Variants in ETV7 observed in about 807,000 individuals in gnomAD.
ETV7 encodes the protein ETS variant transcription factor 7, also known as transcription factor ETV7.
In ETV7, 43 loss-of-function variants were observed where a neutral mutation model predicts 39.1. The ratio of observed to expected loss-of-function variants is 1.10; its 90% confidence interval spans 0.86 to 1.42. The LOEUF is 1.42. Ranked by LOEUF, ETV7 falls within the 40% of genes most tolerant of loss-of-function variation. The pLI, the probability that ETV7 is intolerant of heterozygous loss-of-function variation, is 0.00. For missense variants in ETV7, 432 were observed against 442.3 expected (o/e 0.98, Z 0.21); for synonymous variants, 196 against 176.6 (o/e 1.11, Z -0.87).
rs148608442 is a variant in ETV7, at chr6:36,375,966, G to C, written c.212C>G (p.Ser71Cys). 3 of 1,613,128 alleles carry C rather than the reference G, an allele frequency of 1.9e-6. No individual in the cohort carries two copies. The highest frequency in any genetic ancestry group is 1.1e-5 in the South Asian group (1 of 91,084). The change falls in exon 3 of 8, where the codon TCT becomes TGT. Residue 71 changes from serine to cysteine, a missense_variant. Coordinates refer to ENST00000340181, the MANE Select transcript of ETV7 (RefSeq NM_016135.4). The stretch of plus-strand genomic sequence containing the variant: ...CCCGTGCTCCGCGGTGCATGGCAGA[G>C]AGTACTCCTGCTCTGCCCAGCGCAG... ...HWLRWAEQEY[S>C]LPCTAEHGFE...
At chr6:36,361,130 A>T (rs1561898159) in intron 7 of ETV7, among the ~76,000 whole-genome samples, 1 of 152,206 alleles carries the variant, frequency 6.6e-6, no homozygotes, top group South Asian at 2.1e-4. Context: ...CAAGATCACG[A>T]TTAAAATATT....
At chr6:36,372,606 G>A (rs1461432801) in intron 4 of ETV7, among the ~76,000 whole-genome samples, 5 of 148,988 alleles carry the variant, frequency 3.4e-5, no homozygotes, top group Non-Finnish European at 7.4e-5. Flanking sequence ...GGGCTGACAG[G>A]ATTTATGGAC....
At chr6:36,376,124 C>T (rs1773330484) in intron 2 of ETV7, 89 bp from the exon 3 acceptor site, 2 of 1,229,224 alleles carry the variant, frequency 1.6e-6, no homozygotes, top group Non-Finnish European at 2.2e-6. Flanking sequence ...CAGATGCTCC[C>T]CTGTCCTGGC....
chr6:36,385,741 A>T, intron 1 of ETV7, 72 bp from the exon 2 acceptor site: 1 of 1,518,804 alleles, frequency 6.6e-7, no homozygotes, highest in South Asian at 1.3e-5. Context: ...TAAATGTCTT[A>T]AGAATTTTTT....
downstream of ETV7, among the ~76,000 whole-genome samples, chr6:36,362,783 C>G (rs569588114): frequency 6.2e-4 from 94 of 152,322 alleles, 1 homozygote; most frequent in Non-Finnish European, 1.8e-4. Context: ...TAGCCCAACC[C>G]GGCCATGATG....
chr6:36,361,785 T>C (rs1772496289), downstream of ETV7, among the ~76,000 whole-genome samples: 2 of 152,260 alleles, frequency 1.3e-5, no homozygotes, highest in South Asian at 2.1e-4. Flanking sequence ...TCATAAATTC[T>C]TTATCTATTG....
At chr6:36,362,579 C>A (rs1165496005), downstream of ETV7, among the ~76,000 whole-genome samples, 1 of 152,206 alleles carries the variant, frequency 6.6e-6, no homozygotes, top group Non-Finnish European at 1.5e-5. Context: ...GTGCCCGGTA[C>A]AGAGCAGGTA....
downstream of ETV7, among the ~76,000 whole-genome samples, chr6:36,361,947 G>A (rs371218627): frequency 3.9e-5 from 6 of 152,298 alleles, no homozygotes; most frequent in African/African-American, 1.2e-4. Flanking sequence ...TGGATCACCT[G>A]AGGTCGAGAC....
chr6:36,368,809 G>A, intron 6 of ETV7, 120 bp downstream of exon 6: 3 of 1,307,236 alleles, frequency 2.3e-6, no homozygotes, highest in Non-Finnish European at 3.2e-6. Flanking sequence ...TGTCACTTTT[G>A]GGGCTGCTGA....
downstream of ETV7, among the ~76,000 whole-genome samples, chr6:36,363,846 G>A (rs1299474329): frequency 3.3e-5 from 5 of 152,036 alleles, no homozygotes; most frequent in Admixed American, 2.0e-4. Flanking sequence ...ACAGAGTGTC[G>A]ATTGGTGCAT....
At chr6:36,383,069 C>T (rs574532549) in intron 2 of ETV7, among the ~76,000 whole-genome samples, 15 of 152,236 alleles carry the variant, frequency 9.9e-5, no homozygotes, top group African/African-American at 3.1e-4. Flanking sequence ...GAGGGTGCAT[C>T]ACCTCCTCCC....
At chr6:36,373,026 G>T (rs1342927544) in intron 4 of ETV7, among the ~76,000 whole-genome samples, 1 of 151,756 alleles carries the variant, frequency 6.6e-6, no homozygotes, top group Non-Finnish European at 1.5e-5. Context: ...GGTGAGTGGG[G>T]TGTTCTGGAA....
At chr6:36,378,921 A>T (rs879574153) in intron 2 of ETV7, among the ~76,000 whole-genome samples, 1 of 152,238 alleles carries the variant, frequency 6.6e-6, no homozygotes, top group Non-Finnish European at 1.5e-5. Context: ...TGTCACCTCA[A>T]TAGTCAGGGA....
In ETV7 at chr6:36,371,495, G is replaced by T. The variant is rs1323433693; in HGVS notation, c.499C>A (p.Leu167Ile). The T allele has an allele frequency of 6.2e-7, 1 of 1,606,506 alleles. No individual in the cohort carries two copies. The highest frequency in any genetic ancestry group is 8.5e-7 in the Non-Finnish European group (1 of 1,176,676). Reference sequence around the variant, plus strand: ...TCCAGGTGGCCGAAGTTGCTGGTAAGCCCTGGGTCTGGTGGCTGCAGCAGG... The same window carrying T: ...TCCAGGTGGCCGAAGTTGCTGGTAATCCCTGGGTCTGGTGGCTGCAGCAGG... Reference protein sequence around the residue: ...GHLLQPPDPGLTSNFGHLDDP... With the variant: ...GHLLQPPDPGITSNFGHLDDP... Residue 167 changes from leucine to isoleucine, a missense_variant, in exon 5 of 8, where the codon CTT becomes ATT. By Grantham distance (5) the Leu-to-Ile change is conservative. Coordinates refer to ENST00000340181, the MANE Select transcript of ETV7 (RefSeq NM_016135.4).
chr6:36,362,748 C>T (rs1772542187), downstream of ETV7, among the ~76,000 whole-genome samples: 1 of 152,174 alleles, frequency 6.6e-6, no homozygotes. Context: ...GGATCTCTGG[C>T]AGTGATTCAT....
At chr6:36,365,046 G>C (rs1772667526), downstream of ETV7, among the ~76,000 whole-genome samples, 1 of 152,186 alleles carries the variant, frequency 6.6e-6, no homozygotes, top group African/African-American at 2.4e-5. Flanking sequence ...TCTCTGCAGT[G>C]ACTCAAGGCC....
chr6:36,369,855 A>C (rs542547797), intron 5 of ETV7, among the ~76,000 whole-genome samples: 4 of 151,878 alleles, frequency 2.6e-5, no homozygotes, highest in African/African-American at 9.7e-5. Flanking sequence ...GCAGTGAGCT[A>C]TGGTGGCATC....
chr6:36,383,924 ACT>A (rs1241127906), intron 2 of ETV7, among the ~76,000 whole-genome samples: 1 of 151,908 alleles, frequency 6.6e-6, no homozygotes, highest in African/African-American at 2.4e-5. Flanking sequence ...GCCCCATCTG[ACT>A]CTGCCTTGGG....
intron 7 of ETV7, among the ~76,000 whole-genome samples, chr6:36,361,062 C>A (rs753415885): frequency 1.1e-4 from 16 of 152,322 alleles, no homozygotes; most frequent in Admixed American, 3.3e-4. Flanking sequence ...CTCACCATCA[C>A]TCCCCATCCC....
Sources: allele counts gnomAD v4.1 joint callset (sites outside exome capture counted in the v4.1 genomes callset), GRCh38; gene constraint gnomAD v4.1.1; transcripts MANE v1.5; gene names NCBI Gene and HGNC (gene_info 2026-07-23, HGNC 2026-07-21).